The following PLEKHH2 variants were observed in gnomAD, a reference collection of about 807,000 sequenced individuals.
PLEKHH2 encodes the protein pleckstrin homology, MyTH4 and FERM domain containing H2, also known as pleckstrin homology domain-containing family H member 2.
In PLEKHH2, 129 loss-of-function variants were observed where a neutral mutation model predicts 187.9. The observed-to-expected ratio is 0.69, with a 90% CI of 0.59 to 0.79. The LOEUF (loss-of-function observed/expected upper bound fraction) is 0.79. Among genes scored for constraint, PLEKHH2 ranks in the 30% least tolerant of loss-of-function variants. The probability of loss-of-function intolerance (pLI) is 0.00; values close to 1 mark genes in which losing one functional copy is unlikely to be tolerated. For synonymous variants in PLEKHH2, 686 were observed against 605.6 expected (o/e 1.13, Z -1.95); for missense variants, 2,076 against 1,751.2 (o/e 1.19, Z -3.31).
chr2:43,659,258 A>C (rs1441297548), intron 2 of PLEKHH2, among the ~76,000 whole-genome samples: 3 of 151,734 alleles, frequency 2.0e-5, no homozygotes, highest in East Asian at 3.9e-4. Flanking sequence ...CAGCCTCCCA[A>C]AGTGTTGGGA....
intron 16 of PLEKHH2, among the ~76,000 whole-genome samples, chr2:43,722,425 AAGGCAGCTGGTCCTCG>A (rs958040532): frequency 3.3e-5 from 5 of 152,174 alleles, no homozygotes; most frequent in African/African-American, 1.2e-4. Flanking sequence ...CAAAGGACTG[AAGGCAGCTGGTCCTCG>A]AGGCTTCACT....
intron 2 of PLEKHH2, chr2:43,675,329 C>A: frequency 7.3e-7 from 1 of 1,362,120 alleles, no homozygotes; most frequent in Non-Finnish European, 9.9e-7. Context: ...GGACTAGCCA[C>A]ATTTCAAGTG....
chr2:43,712,229 C>G lies in PLEKHH2; in HGVS notation c.2306C>G (p.Thr769Ser), dbSNP rs771838004. 4 of 1,612,090 alleles carry G rather than the reference C, an allele frequency of 2.5e-6. No individual in the cohort carries two copies. The highest frequency in any genetic ancestry group is 1.6e-4 in the Middle Eastern group (1 of 6,070). Residue 769 changes from threonine (T) to serine (S), a missense_variant, in exon 15 of 30, where the codon ACC (threonine) becomes AGC (serine). Transcript: ENST00000282406. Reference sequence around the variant, plus strand: ...ACCTTTCTCGTTGCATTCTAGTTGACCACTGAAAAACACACATACTATCTG... The same window carrying G: ...ACCTTTCTCGTTGCATTCTAGTTGAGCACTGAAAAACACACATACTATCTG... ...RGDNKQTVQLTTEKHTYYLTA... is the reference protein window; with the variant it reads ...RGDNKQTVQLSTEKHTYYLTA...
chr2:43,652,791 G>GA (rs1439430848), intron 2 of PLEKHH2, among the ~76,000 whole-genome samples: 1 of 152,130 alleles, frequency 6.6e-6, no homozygotes, highest in African/African-American at 2.4e-5. Flanking sequence ...GGCACAATCA[G>GA]AAAAAACCAG....
chr2:43,712,200 C>T, intron 14 of PLEKHH2, 25 bp from the exon 15 acceptor site: 2 of 1,604,326 alleles, frequency 1.2e-6, no homozygotes, highest in Non-Finnish European at 1.7e-6. Flanking sequence ...GTTTTCTTTC[C>T]TATACCTTTC....
At chr2:43,717,394 G>A (rs1452179252) in intron 15 of PLEKHH2, among the ~76,000 whole-genome samples, 1 of 150,934 alleles carries the variant, frequency 6.6e-6, no homozygotes, top group Non-Finnish European at 1.5e-5. Context: ...CTTCAGACTG[G>A]GCAACTGAGT....
intron 15 of PLEKHH2, among the ~76,000 whole-genome samples, chr2:43,719,636 C>T (rs1335891518): frequency 6.6e-6 from 1 of 152,150 alleles, no homozygotes; most frequent in Non-Finnish European, 1.5e-5. Context: ...GACAAGGTTT[C>T]CCCATATTGG....
At chr2:43,711,973 T>G in intron 14 of PLEKHH2, 1 of 1,192,782 alleles carries the variant, frequency 8.4e-7, no homozygotes, top group South Asian at 2.0e-5. Flanking sequence ...AAACAAGATA[T>G]AAAATCATAA....
chr2:43,754,188 ACACACACACACAC>A (rs1672115853), intron 25 of PLEKHH2, among the ~76,000 whole-genome samples: 1 of 126,134 alleles, frequency 7.9e-6, no homozygotes, highest in South Asian at 2.8e-4. Context: ...ACACACACAC[ACACACACACACAC>A]ACACAAAATT....
intron 15 of PLEKHH2, 70 bp downstream of exon 15, chr2:43,712,453 G>T (rs1209089915): frequency 5.3e-6 from 8 of 1,513,428 alleles, no homozygotes; most frequent in Non-Finnish European, 6.3e-6. Context: ...CTGAAAATGG[G>T]ATGTCAGAGC....
intron 1 of PLEKHH2, among the ~76,000 whole-genome samples, chr2:43,640,575 T>C (rs1022628377): frequency 2.6e-5 from 4 of 152,166 alleles, no homozygotes; most frequent in African/African-American, 9.7e-5. Context: ...GTATGAGGGT[T>C]CCCATTTCTC....
chr2:43,710,230 A>C lies in PLEKHH2; in HGVS notation c.2114A>C (p.Glu705Ala). The C allele has an allele frequency of 6.2e-7, 1 of 1,614,018 alleles. No homozygotes were observed. Among genetic ancestry groups the C allele is most frequent in the South Asian group, 1.1e-5 (1 of 91,028 alleles). ...TCTTTTAAAAATTAGGAACCACTGG[A>C]AAAATCTGGTTATTTATTAAAAATG... ...SSDNGKNEPL[E>A]KSGYLLKMSG... Residue 705 changes from glutamate to alanine, a missense_variant, in exon 13 of 30, where the codon GAA (glutamate) becomes GCA (alanine). Coordinates refer to ENST00000282406, the MANE Select transcript of PLEKHH2 (RefSeq NM_172069.4).
At chr2:43,763,058 A>T (rs1294697801) in intron 28 of PLEKHH2, among the ~76,000 whole-genome samples, 1 of 152,222 alleles carries the variant, frequency 6.6e-6, no homozygotes, top group Non-Finnish European at 1.5e-5. Context: ...TTTGTGTTAT[A>T]GTCACTGTTT....
intron 6 of PLEKHH2, among the ~76,000 whole-genome samples, chr2:43,696,481 C>G (rs971232289): frequency 8.3e-6 from 1 of 120,000 alleles, no homozygotes; most frequent in African/African-American, 3.1e-5. Context: ...AAGAGACACC[C>G]TGTCTCAAAA....
rs200629095 is a variant in PLEKHH2, at chr2:43,707,543, G to A, written c.1964G>A (p.Arg655Gln). ...CCAGGCAGCCCCAGAGCCATGAAAC[G>A]AGGTGAGGGAAAATCGCAGGCATAT... ...SGPGSPRAMK[R>Q]GVSLSSVASE... Residue 655 changes from arginine (R) to glutamine (Q), a missense_variant and splice_region_variant, in exon 11 of 30, where the codon CGA becomes CAA. Arg to Gln is a conservative substitution (Grantham distance 43). Coordinates refer to ENST00000282406, the MANE Select transcript of PLEKHH2 (RefSeq NM_172069.4). The A allele has an allele frequency of 4.1e-5, 66 of 1,613,654 alleles. No individual in the cohort carries two copies. The highest frequency in any genetic ancestry group is 5.2e-5 in the Non-Finnish European group (61 of 1,179,816).
intron 7 of PLEKHH2, among the ~76,000 whole-genome samples, 196 bp from the exon 8 acceptor site, chr2:43,699,451 C>T (rs1292739766): frequency 1.3e-5 from 2 of 152,102 alleles, no homozygotes; most frequent in African/African-American, 4.8e-5. Context: ...GATCATAGCT[C>T]ACTGCAGACT....
At chr2:43,645,107 G>A (rs965168639) in intron 2 of PLEKHH2, among the ~76,000 whole-genome samples, 2 of 151,932 alleles carry the variant, frequency 1.3e-5, no homozygotes, top group Admixed American at 1.3e-4. Flanking sequence ...TCTACTAAAT[G>A]TTTACAAAAA....
rs1671679346 is a variant in PLEKHH2 at position 43,744,044 on chromosome 2, C to A, written c.3555+55C>A. ...CCCAACGAACAGCAAAGAAGCTACTCTTTACAAGAAGAGTAAACTTTGCAA... is the reference window on the plus strand; with the variant it reads ...CCCAACGAACAGCAAAGAAGCTACTATTTACAAGAAGAGTAAACTTTGCAA... On this transcript the variant is annotated intron_variant, in intron 23 of 29. Coordinates refer to ENST00000282406, the MANE Select transcript of PLEKHH2 (RefSeq NM_172069.4). The A allele has an allele frequency of 4.5e-6, 7 of 1,569,320 alleles. No individual in the cohort carries two copies. In the East Asian group the frequency reaches 1.6e-4, roughly 36 times the overall value.
intron 24 of PLEKHH2, among the ~76,000 whole-genome samples, chr2:43,750,176 A>G (rs142308141): frequency 4.1e-4 from 63 of 152,320 alleles, no homozygotes; most frequent in African/African-American, 1.4e-3. Context: ...TCCAGGATCA[A>G]GAGACTCTCA....
Sources: gnomAD v4.1 joint callset for allele counts (sites outside exome capture counted in the v4.1 genomes callset) on GRCh38, gnomAD v4.1.1 for gene constraint, MANE v1.5 for transcripts, NCBI Gene and HGNC (gene_info 2026-07-23, HGNC 2026-07-21) for gene names.